Variants in CDH23 observed in about 807,000 individuals in gnomAD.
The protein encoded by CDH23 is cadherin related 23, also known as cadherin-23.
CDH23 carries 189 observed loss-of-function variants against 317.1 expected under a neutral mutation model. The ratio of observed to expected loss-of-function variants is 0.60; its 90% confidence interval spans 0.53 to 0.67. The LOEUF (loss-of-function observed/expected upper bound fraction) is 0.67. Ranked by LOEUF, CDH23 falls within the 30% of genes least tolerant of loss-of-function variation. CDH23 has a pLI of 0.00. For missense variants in CDH23, 4,401 were observed against 4,592.4 expected, an observed-to-expected ratio of 0.96 and a Z score of 1.20; for synonymous variants, 1,839 against 1,876.8, an observed-to-expected ratio of 0.98 and a Z score of 0.52.
At chr10:71,544,922 G>C (rs1217510725) in intron 6 of CDH23, among the ~76,000 whole-genome samples, 2 of 152,200 alleles carry the variant, frequency 1.3e-5, no homozygotes, top group African/African-American at 4.8e-5. Flanking sequence ...GTTGGAGGTG[G>C]TCTGTGGCTG....
At chr10:71,724,640 C>T (rs1866725193) in intron 29 of CDH23, among the ~76,000 whole-genome samples, 1 of 152,200 alleles carries the variant, frequency 6.6e-6, no homozygotes, top group African/African-American at 2.4e-5. Context: ...GTCCTGCTGT[C>T]CTGCAGAGCT....
chr10:71,765,773 C>T (rs946342950), intron 38 of CDH23, among the ~76,000 whole-genome samples: 1 of 152,084 alleles, frequency 6.6e-6, no homozygotes, highest in African/African-American at 2.4e-5. Flanking sequence ...GGAGTTGTTC[C>T]CCTTTTAGAA....
At chr10:71,482,869 A>T (rs114711116) in intron 3 of CDH23, among the ~76,000 whole-genome samples, 1 of 152,314 alleles carries the variant, frequency 6.6e-6, no homozygotes, top group African/African-American at 2.4e-5. Context: ...AGTTAAATCC[A>T]AGAGGGAGCC....
At chr10:71,734,786 C>CTGT in intron 34 of CDH23, 128 bp downstream of exon 34, 1 of 562,180 alleles carries the variant, frequency 1.8e-6, no homozygotes, top group Non-Finnish European at 3.3e-6. Flanking sequence ...TGCAGCAGGC[C>CTGT]CCCTCCCAGT....
intron 9 of CDH23, among the ~76,000 whole-genome samples, chr10:71,585,307 C>T (rs7093128): frequency 0.18 from 27,750 of 152,082 alleles, 2,669 homozygotes; most frequent in South Asian, 0.34. Flanking sequence ...CTGTTAATAT[C>T]TGTGAATGCC....
chr10:71,794,299 G>T (rs967127600), intron 48 of CDH23, among the ~76,000 whole-genome samples: 4 of 152,230 alleles, frequency 2.6e-5, no homozygotes, highest in African/African-American at 9.6e-5. Context: ...ACTGCACCCA[G>T]CCGTGATACC....
chr10:71,702,820 C>T (rs975788221), intron 24 of CDH23, 126 bp downstream of exon 24: 2 of 1,069,528 alleles, frequency 1.9e-6, no homozygotes, highest in Non-Finnish European at 1.4e-6. Flanking sequence ...AGGACAGAGG[C>T]TCTGGAGATG....
intron 38 of CDH23, among the ~76,000 whole-genome samples, chr10:71,756,580 A>C (rs987536486): frequency 2.0e-5 from 3 of 152,196 alleles, no homozygotes; most frequent in Non-Finnish European, 4.4e-5. Flanking sequence ...ATTGCCCTCC[A>C]AAAAGGTGTA....
At chr10:71,510,014 G>C in intron 3 of CDH23, 68 bp from the exon 4 acceptor site, 1 of 1,594,838 alleles carries the variant, frequency 6.3e-7, no homozygotes, top group Non-Finnish European at 8.6e-7. Flanking sequence ...CAGCCACCTG[G>C]GCAAGGTAGG....
intron 66 of CDH23, 127 bp downstream of exon 66, chr10:71,812,142 G>A (rs1841952433): frequency 1.3e-6 from 2 of 1,591,060 alleles, no homozygotes; most frequent in Admixed American, 1.7e-5. Context: ...CTGGTGGGCG[G>A]GCCACCCTCC....
At chr10:71,609,951 CGTGTGT>C (rs34311857) in intron 9 of CDH23, among the ~76,000 whole-genome samples, 2,121 of 142,850 alleles carry the variant, frequency 0.015, 23 homozygotes, top group East Asian at 0.032. Flanking sequence ...AGGACTCCCC[CGTGTGT>C]GTGTGTGTGT....
At chr10:71,746,453 A>G (rs1050545100) in intron 38 of CDH23, among the ~76,000 whole-genome samples, 5 of 152,208 alleles carry the variant, frequency 3.3e-5, no homozygotes, top group South Asian at 2.1e-4. Context: ...CTGTGCTGCA[A>G]GGGGTATCTG....
chr10:71,634,595 C>T (rs1862173474), intron 11 of CDH23, among the ~76,000 whole-genome samples: 2 of 152,212 alleles, frequency 1.3e-5, no homozygotes, highest in African/African-American at 4.8e-5. Flanking sequence ...TCCACGTGGG[C>T]CAGGTGCCTT....
intron 41 of CDH23, among the ~76,000 whole-genome samples, chr10:71,781,252 T>C (rs9415047): frequency 0.41 from 61,883 of 151,978 alleles, 13,428 homozygotes; most frequent in South Asian, 0.51. Context: ...AGGGCCCAAG[T>C]GACAGAATGA....
At chr10:71,808,051 C>T in intron 60 of CDH23, 44 bp downstream of exon 60, 1 of 1,554,702 alleles carries the variant, frequency 6.4e-7, no homozygotes, top group Non-Finnish European at 8.7e-7. Context: ...CATGACCTCT[C>T]AGTCACTGCA....
At chr10:71,651,424 T>C (rs1239665062) in intron 14 of CDH23, among the ~76,000 whole-genome samples, 1 of 150,392 alleles carries the variant, frequency 6.6e-6, no homozygotes, top group Non-Finnish European at 1.5e-5. Flanking sequence ...TTCCAGCTAC[T>C]GTAGAGGCTG....
At position 71,716,202 on chromosome 10, in the gene CDH23, A is replaced by C. The variant is rs978426613; in HGVS notation, c.3369+3389A>C. The C allele has an allele frequency of 3.2e-6, 5 of 1,551,086 alleles. No individual in the cohort carries two copies. The African/African-American group carries it at 5.5e-5, about 17-fold the overall frequency. On this transcript the variant is annotated intron_variant, in intron 28 of 69. Transcript: ENST00000224721. ...AGCAGACAGGTGGCCAGCAGGAGGA[A>C]GATGCAGGCCAGGGCGATGAGCATG...
At chr10:71,680,361 G>A (rs1864566271) in intron 17 of CDH23, among the ~76,000 whole-genome samples, 1 of 152,230 alleles carries the variant, frequency 6.6e-6, no homozygotes, top group African/African-American at 2.4e-5. Flanking sequence ...CCCCAGGGCA[G>A]AAGGAATCGA....
At chr10:71,527,669 AG>A (rs1344425963) in intron 6 of CDH23, among the ~76,000 whole-genome samples, 4 of 152,196 alleles carry the variant, frequency 2.6e-5, no homozygotes, top group African/African-American at 9.6e-5. Context: ...AAGCAAGACC[AG>A]GGCACCAGGA....
Sources: gnomAD v4.1 joint callset for allele counts (sites outside exome capture counted in the v4.1 genomes callset) on GRCh38, gnomAD v4.1.1 for gene constraint, MANE v1.5 for transcripts, NCBI Gene and HGNC (gene_info 2026-07-23, HGNC 2026-07-21) for gene names.